Variants in NRXN1 observed in about 807,000 individuals in gnomAD.
NRXN1 encodes the protein neurexin 1, also known as neurexin-1.
In NRXN1, 39 loss-of-function variants were observed where a neutral mutation model predicts 150.9. The ratio of observed to expected loss-of-function variants is 0.26; its 90% CI spans 0.20 to 0.34. The LOEUF (loss-of-function observed/expected upper bound fraction) is 0.34, where lower values mean the gene tolerates loss of function less well. Ranked by LOEUF, NRXN1 falls within the 10% of genes least tolerant of loss-of-function variation. The probability of loss-of-function intolerance (pLI) is 1.00; values close to 1 mark genes in which losing one functional copy is unlikely to be tolerated. For synonymous variants in NRXN1, 924 were observed against 757.0 expected (o/e 1.22, Z -3.62); for missense variants, 1,815 against 1,949.9 (o/e 0.93, Z 1.30).
chr2:50,195,753 C>T (rs183963331), intron 18 of NRXN1, among the ~76,000 whole-genome samples: 1 of 151,976 alleles, frequency 6.6e-6, no homozygotes, highest in African/African-American at 2.4e-5. Context: ...ACAAATACTA[C>T]CTGATAATGT....
At chr2:50,062,117 T>C (rs1318119723) in intron 19 of NRXN1, among the ~76,000 whole-genome samples, 1 of 152,214 alleles carries the variant, frequency 6.6e-6, no homozygotes, top group East Asian at 1.9e-4. Flanking sequence ...TTGGAATGTA[T>C]ACCCTCTATT....
intron 13 of NRXN1, among the ~76,000 whole-genome samples, chr2:50,501,400 A>AGTGTGTGTGTGTGTGTGT (rs368765670): frequency 0.013 from 1,945 of 148,250 alleles, 19 homozygotes; most frequent in Non-Finnish European, 0.021. Flanking sequence ...TGTGTGTGTG[A>AGTGTGTGTGTGTGTGTGT]GTGTGTGTGT....
chr2:50,613,813 T>C (rs1007113727), intron 8 of NRXN1, among the ~76,000 whole-genome samples: 4 of 151,924 alleles, frequency 2.6e-5, no homozygotes, highest in Non-Finnish European at 4.4e-5. Flanking sequence ...TGACGGGCAC[T>C]TGTAGTCCCA....
chr2:50,720,111 A>T (rs998392581), intron 5 of NRXN1, among the ~76,000 whole-genome samples: 2 of 152,148 alleles, frequency 1.3e-5, no homozygotes, highest in African/African-American at 4.8e-5. Flanking sequence ...TTTGCTGTAG[A>T]TCTGTCCAGC....
chr2:50,422,145 T>G (rs558528391), intron 17 of NRXN1, among the ~76,000 whole-genome samples: 1 of 152,298 alleles, frequency 6.6e-6, no homozygotes, highest in East Asian at 1.9e-4. Flanking sequence ...ATAAAAAGTA[T>G]AATTTCTAAT....
intron 2 of NRXN1, among the ~76,000 whole-genome samples, chr2:51,014,987 A>T (rs1668443067): frequency 1.3e-5 from 2 of 152,102 alleles, no homozygotes. Flanking sequence ...TTAAATGTAG[A>T]CAATTACGTA....
chr2:50,909,619 C>T (rs1684245141), intron 5 of NRXN1, among the ~76,000 whole-genome samples: 1 of 151,950 alleles, frequency 6.6e-6, no homozygotes, highest in Non-Finnish European at 1.5e-5. Context: ...ATCTCGCCTT[C>T]CCCCACACCC....
In NRXN1 at chr2:50,351,815, T is replaced by C. The variant is rs112556613; in HGVS notation, c.3364+113627A>G. 7.9e-5 allele frequency among the ~76,000 whole-genome samples: 12 copies of C among 152,282 alleles called. 1 individual carries two copies. The highest frequency in any genetic ancestry group is 2.9e-4 in the African/African-American group (12 of 41,558). On this transcript the variant is annotated intron_variant, in intron 17 of 22. Coordinates refer to ENST00000401669, the MANE Select transcript of NRXN1 (RefSeq NM_001330078.2). The stretch of plus-strand genomic sequence containing the variant: ...GGTGAGGTGGGTGCTGTCGTTGAAA[T>C]ACTGTCATATTTGCTTCAGGAAAAC...
intron 5 of NRXN1, among the ~76,000 whole-genome samples, chr2:50,738,553 G>A (rs1371173190): frequency 6.6e-6 from 1 of 152,214 alleles, no homozygotes; most frequent in East Asian, 1.9e-4. Context: ...AGCCATTACA[G>A]TAAGCAGAGA....
chr2:50,540,567 G>A (rs774990289), intron 9 of NRXN1, among the ~76,000 whole-genome samples: 2 of 152,164 alleles, frequency 1.3e-5, no homozygotes, highest in Non-Finnish European at 2.9e-5. Context: ...ATGAGAAAGA[G>A]TGTCTTTTAA....
chr2:50,316,731 T>C (rs757367332), intron 17 of NRXN1, among the ~76,000 whole-genome samples: 3 of 152,030 alleles, frequency 2.0e-5, no homozygotes, highest in Non-Finnish European at 2.9e-5. Flanking sequence ...AAGGTCACTT[T>C]TGATTTAATG....
At chr2:50,893,452 AT>A (rs1312696196) in intron 5 of NRXN1, among the ~76,000 whole-genome samples, 1 of 152,080 alleles carries the variant, frequency 6.6e-6, no homozygotes, top group Non-Finnish European at 1.5e-5. Context: ...TCAATAAAGC[AT>A]TTTCCTGTAG....
chr2:50,033,890 T>A (rs1276665311), intron 21 of NRXN1, among the ~76,000 whole-genome samples: 1 of 151,574 alleles, frequency 6.6e-6, no homozygotes, highest in Non-Finnish European at 1.5e-5. Context: ...TCAGCATCAT[T>A]GATCGTTAAA....
chr2:50,214,711 A>T (rs1374859960), intron 18 of NRXN1, among the ~76,000 whole-genome samples: 1 of 151,998 alleles, frequency 6.6e-6, no homozygotes, highest in Non-Finnish European at 1.5e-5. Context: ...CAGAAGTCAT[A>T]ACATATCCTA....
intron 5 of NRXN1, among the ~76,000 whole-genome samples, chr2:50,847,076 T>C (rs1331601629): frequency 6.6e-6 from 1 of 152,130 alleles, no homozygotes; most frequent in Non-Finnish European, 1.5e-5. Context: ...GGAACTTATA[T>C]TCTCGGTATT....
intron 5 of NRXN1, among the ~76,000 whole-genome samples, chr2:50,634,542 T>C (rs1002526556): frequency 6.6e-6 from 1 of 152,214 alleles, no homozygotes; most frequent in Admixed American, 6.5e-5. Context: ...TATGTATATA[T>C]GTTATATTTC....
At position 49,920,551 on chromosome 2, in the gene NRXN1, C is replaced by A. The variant is rs1668012285; in HGVS notation, c.*1393G>T. The A allele has an allele frequency of 6.6e-6, 1 of 152,498 alleles. No homozygotes were observed. The highest frequency in any genetic ancestry group is 2.4e-5 in the African/African-American group (1 of 41,396). 9.4% of individuals were successfully genotyped at this position (152,498 alleles called of 1,614,324 possible). ...AAATCTTCTTAAGGTTACCTGGGAG[C>A]AAGATCTCAATGAAGCAAATCACCC... On this transcript the variant is annotated 3_prime_UTR_variant, in exon 23 of 23. Transcript: ENST00000401669.
At chr2:50,071,123 C>T (rs1563023) in intron 19 of NRXN1, among the ~76,000 whole-genome samples, 97,599 of 152,076 alleles carry the variant, frequency 0.64, 31,658 homozygotes, top group African/African-American at 0.7. Context: ...AATAGATCTA[C>T]AGTTAGGCTG....
chr2:49,923,883 C>T (rs1192635349), intron 22 of NRXN1, among the ~76,000 whole-genome samples: 2 of 152,194 alleles, frequency 1.3e-5, no homozygotes, highest in Non-Finnish European at 2.9e-5. Context: ...CTGAATGTGT[C>T]ATTGCTTGTT....
Sources: gnomAD v4.1 joint callset for allele counts (sites outside exome capture counted in the v4.1 genomes callset) on GRCh38, gnomAD v4.1.1 for gene constraint, MANE v1.5 for transcripts, NCBI Gene and HGNC (gene_info 2026-07-23, HGNC 2026-07-21) for gene names.